ARHGEF37: variants seen among roughly 807,000 people sequenced by gnomAD.
The protein encoded by ARHGEF37 is Rho guanine nucleotide exchange factor (GEF) 37.
A neutral mutation model predicts 71.1 loss-of-function variants in ARHGEF37; 55 were observed. The observed-to-expected ratio is 0.77, with a 90% CI of 0.62 to 0.97. ARHGEF37 has a LOEUF of 0.97. Ranked by LOEUF, ARHGEF37 falls within the 50% of genes least tolerant of loss-of-function variation. The probability of loss-of-function intolerance (pLI) is 0.00; values close to 1 mark genes in which losing one functional copy is unlikely to be tolerated. For missense variants in ARHGEF37, 765 were observed against 836.8 expected (o/e 0.91, Z 1.06); for synonymous variants, 327 against 350.6 (o/e 0.93, Z 0.75).
chr5:149,604,675 C>CAT, intron 3 of ARHGEF37, among the ~76,000 whole-genome samples: 1 of 119,374 alleles, frequency 8.4e-6, no homozygotes, highest in Non-Finnish European at 1.6e-5. Flanking sequence ...GCAGCAACAC[C>CAT]ATTTTTTTTT....
At chr5:149,555,956 C>T (rs151272690) in intron 1 of ARHGEF37, among the ~76,000 whole-genome samples, 337 of 152,064 alleles carry the variant, frequency 2.2e-3, no homozygotes, top group African/African-American at 7.9e-3. Flanking sequence ...CACATCACTA[C>T]AAAAATGTTT....
chr5:149,603,450 A>T (rs1763820181), intron 3 of ARHGEF37, among the ~76,000 whole-genome samples: 1 of 152,168 alleles, frequency 6.6e-6, no homozygotes, highest in Non-Finnish European at 1.5e-5. Flanking sequence ...GAATGCAGGT[A>T]GTTGGCCCTG....
In ARHGEF37 at chr5:149,570,659, C is replaced by T. The variant is rs181158692; in HGVS notation, c.-12+18536C>T. Among the ~76,000 whole-genome samples the T allele has an allele frequency of 3.1e-3, 463 of 151,362 alleles. 3 individuals carry two copies. The highest frequency in any genetic ancestry group is 0.011 in the African/African-American group (441 of 41,292). On this transcript the variant is annotated intron_variant, in intron 1 of 2. Coordinates refer to the ARHGEF37 transcript ENST00000505810. ...TTGGGAGGCAGAGGTGGGCGGATCACGAGGTCAGGAGTTCAAGACCACCCT... is the reference window on the plus strand; with the variant it reads ...TTGGGAGGCAGAGGTGGGCGGATCATGAGGTCAGGAGTTCAAGACCACCCT...
chr5:149,623,437 C>T (rs760526210), intron 9 of ARHGEF37, among the ~76,000 whole-genome samples: 2 of 152,196 alleles, frequency 1.3e-5, no homozygotes, highest in African/African-American at 2.4e-5. Flanking sequence ...ACTGTCTCTT[C>T]CTTGAGGGCA....
chr5:149,627,246 C>A lies in ARHGEF37; in HGVS notation c.1635C>A (p.Ser545Arg). The change falls in exon 11 of 13, where the codon AGC becomes AGA. Residue 545 changes from serine (S) to arginine (R), a missense_variant. Transcript: ENST00000333677. ...AAAACAAGGACACCAAAGGCAACAG[C>A]GGCCGCTGGCTGGTGGACACCGGGG... is the stretch of plus-strand genomic sequence containing the variant. The part of the protein sequence containing the change: ...ILQNKDTKGN[S>R]GRWLVDTGGH... 6.2e-7 allele frequency: 1 copy of A among 1,613,796 alleles called. No homozygotes were observed. The highest frequency in any genetic ancestry group is 8.5e-7 in the Non-Finnish European group (1 of 1,179,966).
chr5:149,602,784 G>A (rs1320875013), intron 3 of ARHGEF37, among the ~76,000 whole-genome samples: 3 of 152,114 alleles, frequency 2.0e-5, no homozygotes, highest in Admixed American at 1.3e-4. Context: ...ATGGGTGGGT[G>A]TCAGATTCAC....
At chr5:149,585,466 T>C (rs1763205493) in intron 1 of ARHGEF37, among the ~76,000 whole-genome samples, 1 of 152,190 alleles carries the variant, frequency 6.6e-6, no homozygotes, top group Non-Finnish European at 1.5e-5. Context: ...CTCAAAATAA[T>C]TTTTCTGAAA....
chr5:149,570,613 C>T (rs937284974), intron 1 of ARHGEF37, among the ~76,000 whole-genome samples: 5 of 150,878 alleles, frequency 3.3e-5, no homozygotes, highest in Non-Finnish European at 7.4e-5. Context: ...CGCGGTGGCT[C>T]ACACCTGTAA....
chr5:149,610,297 G>A (rs568026777), intron 4 of ARHGEF37, among the ~76,000 whole-genome samples: 63 of 152,268 alleles, frequency 4.1e-4, no homozygotes, highest in African/African-American at 1.3e-3. Flanking sequence ...CCTCTCTACC[G>A]GTGGCTGAAG....
intron 1 of ARHGEF37, among the ~76,000 whole-genome samples, chr5:149,553,151 C>T (rs1161135103): frequency 6.6e-6 from 1 of 152,160 alleles, no homozygotes; most frequent in Non-Finnish European, 1.5e-5. Context: ...GTAATCCCAG[C>T]ACTTTGGGAG....
chr5:149,568,669 G>T (rs183678078), intron 1 of ARHGEF37, among the ~76,000 whole-genome samples: 1 of 151,904 alleles, frequency 6.6e-6, no homozygotes, highest in East Asian at 1.9e-4. Context: ...AAATTAGCTG[G>T]GCATGGCAGC....
intron 2 of ARHGEF37, among the ~76,000 whole-genome samples, 182 bp downstream of exon 2, chr5:149,598,137 A>G (rs1763607046): frequency 6.6e-6 from 1 of 152,180 alleles, no homozygotes; most frequent in Non-Finnish European, 1.5e-5. Flanking sequence ...ACCTCCATCA[A>G]GGTCTTCCAT....
chr5:149,601,237 C>CA lies in ARHGEF37; in HGVS notation c.310+12dup, dbSNP rs772420507. The CA allele has an allele frequency of 1.2e-6, 2 of 1,603,020 alleles. No homozygotes were observed. The highest frequency in any genetic ancestry group is 1.3e-5 in the African/African-American group (1 of 74,694). On this transcript the variant is annotated splice_region_variant and intron_variant, in intron 3 of 12. Transcript: ENST00000333677. ...GGAACAAGTGCAGCTAGTTGGTAAG[C>CA]AAAAAACCTAAGGAGTTGTCAGCCT...
At chr5:149,575,509 G>A (rs1247136416) in intron 1 of ARHGEF37, among the ~76,000 whole-genome samples, 1 of 152,104 alleles carries the variant, frequency 6.6e-6, no homozygotes, top group African/African-American at 2.4e-5. Flanking sequence ...CTATGCACGT[G>A]GGATACTATT....
At chr5:149,630,058 G>A (rs1752835082) in intron 12 of ARHGEF37, among the ~76,000 whole-genome samples, 1 of 152,122 alleles carries the variant, frequency 6.6e-6, no homozygotes, top group Non-Finnish European at 1.5e-5. Flanking sequence ...ACTGCTAACT[G>A]GTGTGAAGTT....
intron 3 of ARHGEF37, 86 bp downstream of exon 3, chr5:149,601,317 G>C (rs187405964): frequency 6.8e-7 from 1 of 1,476,818 alleles, no homozygotes; most frequent in East Asian, 2.4e-5. Context: ...TGTCTCCAGA[G>C]TTCCAGAGAA....
In ARHGEF37 at chr5:149,600,076, A is replaced by G. The variant is rs534218040; in HGVS notation, c.187-1032A>G. Among the ~76,000 whole-genome samples the G allele has an allele frequency of 5.9e-5, 9 of 152,346 alleles. No homozygotes were observed. In the East Asian group the frequency reaches 1.7e-3, roughly 29 times the overall value. Reference sequence around the variant, plus strand: ...CTACTACACACCTAGACTGGATGGTATGGCCTATTGCTCCTAGGCTATAAG... The same window carrying G: ...CTACTACACACCTAGACTGGATGGTGTGGCCTATTGCTCCTAGGCTATAAG... On this transcript the variant is annotated intron_variant, in intron 2 of 12. Coordinates refer to ENST00000333677, the MANE Select transcript of ARHGEF37 (RefSeq NM_001001669.3).
chr5:149,607,482 C>A (rs978146229), intron 3 of ARHGEF37, among the ~76,000 whole-genome samples: 1 of 152,174 alleles, frequency 6.6e-6, no homozygotes, highest in Non-Finnish European at 1.5e-5. Context: ...TATTTGGCTC[C>A]GTTTTAATTC....
At chr5:149,615,080 A>T (rs756080088) in intron 4 of ARHGEF37, among the ~76,000 whole-genome samples, 36 of 152,172 alleles carry the variant, frequency 2.4e-4, no homozygotes, top group Admixed American at 4.6e-4. Context: ...TAAGAAGGAG[A>T]CTATAACTAG....
Sources: gnomAD v4.1 joint callset for allele counts (sites outside exome capture counted in the v4.1 genomes callset) on GRCh38, gnomAD v4.1.1 for gene constraint, MANE v1.5 for transcripts, NCBI Gene and HGNC (gene_info 2026-07-23, HGNC 2026-07-21) for gene names.